The following PARM1 variants were observed in gnomAD, a reference collection of about 807,000 sequenced individuals.
The protein encoded by PARM1 is WSC4, cell wall integrity and stress response component 4 homolog.
Under a neutral mutation model 24.6 loss-of-function variants are expected in PARM1, and 14 were observed. The ratio of observed to expected loss-of-function variants is 0.57; its 90% CI spans 0.38 to 0.89. The LOEUF (loss-of-function observed/expected upper bound fraction) is 0.89. PARM1 is among the 40% of genes least tolerant of loss of function. The pLI is 0.00. For synonymous variants in PARM1, 179 were observed against 156.6 expected (o/e 1.14, Z -1.07); for missense variants, 362 against 380.4 (o/e 0.95, Z 0.40).
chr4:74,934,260 G>A (rs1721129438), intron 1 of PARM1, among the ~76,000 whole-genome samples: 1 of 152,154 alleles, frequency 6.6e-6, no homozygotes, highest in Non-Finnish European at 1.5e-5. Context: ...TCCCGAAAAG[G>A]GACAACTGGC....
At chr4:75,002,719 A>G (rs1234257701) in intron 1 of PARM1, among the ~76,000 whole-genome samples, 2 of 152,118 alleles carry the variant, frequency 1.3e-5, no homozygotes, top group Non-Finnish European at 2.9e-5. Flanking sequence ...AAAGTGAGGC[A>G]TAGAGAAGGG....
At chr4:75,004,713 G>C (rs1722739742) in intron 1 of PARM1, among the ~76,000 whole-genome samples, 1 of 151,916 alleles carries the variant, frequency 6.6e-6, no homozygotes, top group Non-Finnish European at 1.5e-5. Context: ...GAAGGGGAAG[G>C]GTTCATACAG....
At chr4:74,986,247 T>G (rs1216740019) in intron 1 of PARM1, among the ~76,000 whole-genome samples, 2 of 152,218 alleles carry the variant, frequency 1.3e-5, no homozygotes, top group Non-Finnish European at 2.9e-5. Context: ...GATTTTACCT[T>G]TGCCAGTTGT....
intron 1 of PARM1, among the ~76,000 whole-genome samples, chr4:74,954,831 T>C (rs1231139064): frequency 6.6e-6 from 1 of 152,204 alleles, no homozygotes; most frequent in Non-Finnish European, 1.5e-5. Context: ...AAAAATGCAT[T>C]TTTCTTAGCA....
rs1371931477 is a variant in PARM1, at chr4:75,046,196, T to C, written c.882T>C (p.His294=). Residue 294 remains histidine (H), a synonymous_variant, in exon 4 of 4, where the codon CAT becomes CAC. Coordinates refer to ENST00000307428, the MANE Select transcript of PARM1 (RefSeq NM_015393.4). ...CCTATGGAAGACTTTTGGACGACCA[T>C]GACTACGGGTCCTGGGGAAACTACA... ...HSSYGRLLDD[H]DYGSWGNYNN... is the part of the protein sequence containing the mutation. 1 of 1,613,246 alleles carries C rather than the reference T, an allele frequency of 6.2e-7. No homozygotes were observed. The highest frequency in any genetic ancestry group is 1.1e-5 in the South Asian group (1 of 91,056).
At chr4:74,970,768 C>T (rs375398181) in intron 1 of PARM1, among the ~76,000 whole-genome samples, 63 of 152,278 alleles carry the variant, frequency 4.1e-4, no homozygotes, top group African/African-American at 1.4e-3. Context: ...ATAAGCTAAA[C>T]CTAATCAGGA....
At chr4:74,995,700 A>C (rs1208736314) in intron 1 of PARM1, among the ~76,000 whole-genome samples, 2 of 152,102 alleles carry the variant, frequency 1.3e-5, no homozygotes, top group Non-Finnish European at 2.9e-5. Context: ...GAGTGCATTC[A>C]CTTTTCTCCA....
intron 3 of PARM1, 88 bp from the exon 4 acceptor site, chr4:75,046,075 G>A (rs1723595366): frequency 3.7e-6 from 3 of 807,498 alleles, no homozygotes; most frequent in Non-Finnish European, 6.3e-6. Flanking sequence ...GGCCCCATAA[G>A]CATCCCCAGT....
chr4:74,993,614 T>A (rs1722519496), intron 1 of PARM1, among the ~76,000 whole-genome samples: 1 of 152,218 alleles, frequency 6.6e-6, no homozygotes, highest in Admixed American at 6.5e-5. Context: ...CCTTATTTTT[T>A]ACATGTCTTT....
intron 2 of PARM1, among the ~76,000 whole-genome samples, chr4:75,031,443 GC>G (rs1304624489): frequency 6.6e-6 from 1 of 151,868 alleles, no homozygotes; most frequent in African/African-American, 2.4e-5. Context: ...ACATGGAAGA[GC>G]CCCATTTGAA....
At position 75,048,747 on chromosome 4, in the gene PARM1, G is replaced by A. The variant is rs1358532159; in HGVS notation, c.*2500G>A. On this transcript the variant is annotated 3_prime_UTR_variant, in exon 4 of 4. Coordinates refer to ENST00000307428, the MANE Select transcript of PARM1 (RefSeq NM_015393.4). Reference sequence around the variant, plus strand: ...GTTGCTCTTATTGGCTTCCAAATGTGCATGGCAAAGAGAGAGATGTGGGCC... The same window carrying A: ...GTTGCTCTTATTGGCTTCCAAATGTACATGGCAAAGAGAGAGATGTGGGCC... 2 of 152,570 alleles carry A rather than the reference G, an allele frequency of 1.3e-5. No homozygotes were observed. The highest frequency in any genetic ancestry group is 6.5e-5 in the Admixed American group (1 of 15,274). 9.5% of individuals were successfully genotyped at this position (152,570 alleles called of 1,614,324 possible). A position where few individuals can be genotyped will look rare whatever the true frequency, so the allele number is the denominator to read the frequency against.
intron 1 of PARM1, among the ~76,000 whole-genome samples, chr4:74,935,026 C>A (rs1721150182): frequency 3.9e-5 from 1 of 25,798 alleles, no homozygotes; most frequent in East Asian, 1.3e-3. Context: ...TTCTTTTATT[C>A]AGCGTTACAG....
rs201300466 is a variant in PARM1 at position 75,024,737 on chromosome 4, C to T, written c.770-9146C>T. Among the ~76,000 whole-genome samples the T allele has an allele frequency of 1.2e-4, 18 of 152,264 alleles. No homozygotes were observed. In the East Asian group the frequency reaches 1.9e-3, roughly 16 times the overall value. ...GAGACTGAATTTTGCTCACTCTCGT[C>T]GCCCAGGCTGGACTGTGATGGCTTG... is the stretch of plus-strand genomic sequence containing the variant. On this transcript the variant is annotated intron_variant, in intron 2 of 3. Transcript: ENST00000307428.
chr4:75,031,269 A>C (rs1252537381), intron 2 of PARM1, among the ~76,000 whole-genome samples: 5 of 152,152 alleles, frequency 3.3e-5, no homozygotes, highest in Admixed American at 3.3e-4. Context: ...CAAATATTTA[A>C]TTACTATCTG....
At chr4:75,007,950 T>C (rs1722803797) in intron 1 of PARM1, among the ~76,000 whole-genome samples, 2 of 152,248 alleles carry the variant, frequency 1.3e-5, no homozygotes, top group Admixed American at 1.3e-4. Flanking sequence ...ACTTTGATCT[T>C]GAGCTTCCTA....
At chr4:75,032,621 A>G (rs1723295137) in intron 2 of PARM1, among the ~76,000 whole-genome samples, 1 of 152,186 alleles carries the variant, frequency 6.6e-6, no homozygotes, top group African/African-American at 2.4e-5. Context: ...TACACCTGGC[A>G]TCTCATTTAA....
At chr4:75,028,400 T>C (rs1403382790) in intron 2 of PARM1, among the ~76,000 whole-genome samples, 1 of 152,220 alleles carries the variant, frequency 6.6e-6, no homozygotes, top group Non-Finnish European at 1.5e-5. Context: ...GACAAAATGT[T>C]CCTTTCCTCT....
chr4:74,969,682 G>C (rs1721983454), intron 1 of PARM1: 1 of 152,226 alleles, frequency 6.6e-6, no homozygotes, highest in South Asian at 2.1e-4. Context: ...AAAGTTAAAA[G>C]ACTGAGTAGT....
intron 1 of PARM1, among the ~76,000 whole-genome samples, chr4:74,955,816 T>C (rs1721619329): frequency 6.6e-6 from 1 of 152,232 alleles, no homozygotes; most frequent in South Asian, 2.1e-4. Flanking sequence ...TTATAGATGT[T>C]TTGGCTTCCT....
Sources: gnomAD v4.1 joint callset for allele counts (sites outside exome capture counted in the v4.1 genomes callset) on GRCh38, gnomAD v4.1.1 for gene constraint, MANE v1.5 for transcripts, NCBI Gene and HGNC (gene_info 2026-07-23, HGNC 2026-07-21) for gene names.